Variants in RAD51B observed in about 807,000 individuals in gnomAD.
RAD51B encodes the protein DNA repair protein RAD51 homolog 2.
Under a neutral mutation model 42.2 loss-of-function variants are expected in RAD51B, and 38 were observed. The ratio of observed to expected loss-of-function variants is 0.90; its 90% CI spans 0.70 to 1.18. RAD51B has a LOEUF of 1.18. Among genes scored for constraint, RAD51B ranks in the 50% most tolerant of loss-of-function variants. The pLI, the probability that RAD51B is intolerant of heterozygous loss-of-function variation, is 0.00. For missense variants in RAD51B, 373 were observed against 400.7 expected (o/e 0.93, Z 0.59); for synonymous variants, 154 against 145.2 (o/e 1.06, Z -0.43).
At chr14:68,108,369 A>G (rs1283587440) in intron 7 of RAD51B, among the ~76,000 whole-genome samples, 1 of 151,968 alleles carries the variant, frequency 6.6e-6, no homozygotes, top group Non-Finnish European at 1.5e-5. Flanking sequence ...AAACACCTAA[A>G]TGTCTCTCAA....
At chr14:68,562,726 T>C (rs1392835264) in intron 10 of RAD51B, 1 of 985,264 alleles carries the variant, frequency 1.0e-6, no homozygotes, top group Non-Finnish European at 1.2e-6. Context: ...CCCACAGCTA[T>C]TCATCCCCCT....
chr14:67,825,385 A>G lies in RAD51B; in HGVS notation c.85-79A>G. 14 of 887,834 alleles carry G rather than the reference A, an allele frequency of 1.6e-5. 1 individual carries two copies. The highest frequency in any genetic ancestry group is 2.5e-4 in the Middle Eastern group (1 of 4,070). The allele number at this position is 887,834 out of a possible 1,614,324, so 55.0% of individuals were successfully genotyped here. A position where few individuals can be genotyped will look rare whatever the true frequency, so the allele number is the denominator to read the frequency against. On this transcript the variant is annotated intron_variant, in intron 2 of 10. Transcript: ENST00000471583. ...TTATACTTTTGTCTACATAAGCAGT[A>G]TCAATTGAAGGTTTCCTTTTAACTC...
chr14:67,986,081 G>A lies in RAD51B; in HGVS notation c.756+98877G>A, dbSNP rs907246415. On this transcript the variant is annotated intron_variant, in intron 7 of 10. Coordinates refer to ENST00000471583, the MANE Select transcript of RAD51B (RefSeq NM_133510.4). ...GCATTTGGGTGCACACAATGTGCACGTACGTGCTATGGTGCTGTGTGCGCA... is the reference window on the plus strand; with the variant it reads ...GCATTTGGGTGCACACAATGTGCACATACGTGCTATGGTGCTGTGTGCGCA... Among the ~76,000 whole-genome samples the A allele has an allele frequency of 2.6e-5, 4 of 152,268 alleles. No homozygotes were observed. In the East Asian group the frequency reaches 5.8e-4, roughly 22 times the overall value.
intron 11 of RAD51B, among the ~76,000 whole-genome samples, chr14:68,671,262 G>A (rs1176652435): frequency 6.6e-6 from 1 of 152,208 alleles, no homozygotes; most frequent in Non-Finnish European, 1.5e-5. Flanking sequence ...GCAAATGTCA[G>A]ATTTTTAGAC....
intron 1 of RAD51B, chr14:67,822,128 A>G (rs531121959): frequency 1.4e-4 from 21 of 152,294 alleles, no homozygotes; most frequent in African/African-American, 5.1e-4. Context: ...TCATTCCAAA[A>G]TGTTACTTCT....
chr14:68,509,122 C>G (rs149673112), intron 10 of RAD51B, among the ~76,000 whole-genome samples: 236 of 152,378 alleles, frequency 1.5e-3, no homozygotes, highest in African/African-American at 5.4e-3. Context: ...TCACCAGCCA[C>G]TGGGCCTGGA....
chr14:67,883,517 C>T (rs2042978837), intron 5 of RAD51B, among the ~76,000 whole-genome samples: 1 of 152,096 alleles, frequency 6.6e-6, no homozygotes, highest in South Asian at 2.1e-4. Context: ...ATTCTCTATT[C>T]TTGTGTGCTG....
chr14:68,236,844 G>C (rs986786878), intron 7 of RAD51B, among the ~76,000 whole-genome samples: 1 of 152,160 alleles, frequency 6.6e-6, no homozygotes, highest in Non-Finnish European at 1.5e-5. Context: ...CCAAATGACT[G>C]TTGGCTCCTC....
At chr14:68,103,902 T>G (rs995295410) in intron 7 of RAD51B, among the ~76,000 whole-genome samples, 1 of 152,288 alleles carries the variant, frequency 6.6e-6, no homozygotes, top group Non-Finnish European at 1.5e-5. Flanking sequence ...TTTAATATAG[T>G]TTGTCTCCTA....
chr14:67,908,160 G>A (rs1027502635), intron 7 of RAD51B: 1 of 152,112 alleles, frequency 6.6e-6, no homozygotes, highest in African/African-American at 2.4e-5. Context: ...ATCACCTGTG[G>A]GGCTTGTTAA....
At chr14:68,106,056 G>A (rs1791202536) in intron 7 of RAD51B, among the ~76,000 whole-genome samples, 1 of 151,856 alleles carries the variant, frequency 6.6e-6, no homozygotes, top group African/African-American at 2.4e-5. Flanking sequence ...AGATAAAACT[G>A]CAGGAAATGA....
intron 7 of RAD51B, among the ~76,000 whole-genome samples, chr14:68,067,478 A>C (rs867476367): frequency 1.6e-5 from 2 of 124,078 alleles, no homozygotes; most frequent in Non-Finnish European, 1.6e-5. Context: ...AAAAAAAAAC[A>C]AAAAAAAAAA....
chr14:68,417,407 G>A (rs368156715), intron 9 of RAD51B, among the ~76,000 whole-genome samples: 1 of 152,086 alleles, frequency 6.6e-6, no homozygotes, highest in Non-Finnish European at 1.5e-5. Context: ...CATTATCTTG[G>A]GTATAAATGT....
intron 10 of RAD51B, among the ~76,000 whole-genome samples, chr14:68,510,637 G>T (rs573314237): frequency 2.0e-5 from 3 of 152,178 alleles, no homozygotes; most frequent in African/African-American, 7.2e-5. Context: ...ATCAGCTGCC[G>T]TCCCGAGGCC....
chr14:68,041,146 T>C (rs956897608), intron 7 of RAD51B, among the ~76,000 whole-genome samples: 3 of 152,158 alleles, frequency 2.0e-5, no homozygotes, highest in African/African-American at 7.2e-5. Context: ...TATAGCCCTT[T>C]CCGCCTTTGC....
chr14:68,309,409 G>T (rs535579447), intron 8 of RAD51B, among the ~76,000 whole-genome samples: 2 of 152,280 alleles, frequency 1.3e-5, no homozygotes, highest in African/African-American at 4.8e-5. Context: ...ACGACTCAAG[G>T]ATCAGCAAAT....
chr14:68,468,466 A>G (rs2086040863), intron 10 of RAD51B: 1 of 642,776 alleles, frequency 1.6e-6, no homozygotes, highest in African/African-American at 1.8e-5. Flanking sequence ...AAGGAGACCT[A>G]CAGAATTTCC....
chr14:68,390,634 A>T (rs954171234), intron 8 of RAD51B, among the ~76,000 whole-genome samples: 1 of 152,214 alleles, frequency 6.6e-6, no homozygotes, highest in Non-Finnish European at 1.5e-5. Flanking sequence ...GGCTGGGAAA[A>T]GTGATGGAGC....
At chr14:68,383,384 T>C (rs375497384) in intron 8 of RAD51B, among the ~76,000 whole-genome samples, 152 of 152,266 alleles carry the variant, frequency 1.0e-3, no homozygotes, top group African/African-American at 3.5e-3. Flanking sequence ...CTAAGCATCC[T>C]ACAATAAACA....
Sources: gnomAD v4.1 joint callset for allele counts (sites outside exome capture counted in the v4.1 genomes callset) on GRCh38, gnomAD v4.1.1 for gene constraint, MANE v1.5 for transcripts, NCBI Gene and HGNC (gene_info 2026-07-23, HGNC 2026-07-21) for gene names.